The following GBE1 variants were observed in gnomAD, a reference collection of about 807,000 sequenced individuals.
GBE1 encodes the protein 1,4-alpha-glucan-branching enzyme.
In GBE1, 70 loss-of-function variants were observed where a neutral mutation model predicts 88.8. That is an observed-to-expected ratio of 0.79 (90% CI 0.65 to 0.96). GBE1 has a LOEUF of 0.96. Ranked by LOEUF, GBE1 falls within the 40% of genes least tolerant of loss-of-function variation. The pLI, the probability that GBE1 is intolerant of heterozygous loss-of-function variation, is 0.00. For synonymous variants in GBE1, 284 were observed against 300.1 expected, an observed-to-expected ratio of 0.95 and a Z score of 0.56; for missense variants, 872 against 871.0, an observed-to-expected ratio of 1.00 and a Z score of -0.01.
At chr3:81,527,500 CAATG>C (rs1702958297) in intron 14 of GBE1, among the ~76,000 whole-genome samples, 1 of 152,110 alleles carries the variant, frequency 6.6e-6, no homozygotes, top group Non-Finnish European at 1.5e-5. Context: ...CCAGAATCTA[CAATG>C]AACTCAAACA....
intron 2 of GBE1, among the ~76,000 whole-genome samples, chr3:81,695,851 C>T (rs1030865154): frequency 2.7e-4 from 41 of 152,094 alleles, no homozygotes; most frequent in African/African-American, 6.3e-4. Flanking sequence ...TTCCTGATCG[C>T]TAAATAATAC....
At chr3:81,623,341 T>C (rs1704358980) in intron 7 of GBE1, among the ~76,000 whole-genome samples, 2 of 152,342 alleles carry the variant, frequency 1.3e-5, no homozygotes, top group South Asian at 2.1e-4. Context: ...CGTCACTTCA[T>C]TCAGGTCTCT....
intron 12 of GBE1, among the ~76,000 whole-genome samples, chr3:81,548,572 C>A (rs529979085): frequency 1.3e-5 from 2 of 151,262 alleles, no homozygotes; most frequent in African/African-American, 2.4e-5. Context: ...AACCAAATTT[C>A]TTTGTCAATC....
Position 81,648,907 on chromosome 3 carries a change from C to G in GBE1, c.640G>C (p.Ala214Pro). The G allele has an allele frequency of 6.3e-7, 1 of 1,586,486 alleles. No homozygotes were observed. The highest frequency in any genetic ancestry group is 1.2e-5 in the South Asian group (1 of 86,434). Residue 214 changes from alanine to proline, a missense_variant, in exon 5 of 16, where the codon GCT becomes CCT. Ala to Pro is a conservative substitution (Grantham distance 27). Coordinates refer to ENST00000429644, the MANE Select transcript of GBE1 (RefSeq NM_000158.4). ...VGISSHEGKV[A>P]SYKHFTCNVL... ...TTGCATGTAAAATGTTTATAAGAAG[C>G]TACTTTTCCTTCATGGGAAGAAATT...
intron 1 of GBE1, among the ~76,000 whole-genome samples, chr3:81,730,331 A>G (rs1706168914): frequency 6.6e-6 from 1 of 152,186 alleles, no homozygotes; most frequent in African/African-American, 2.4e-5. Context: ...CAGCAAATAT[A>G]TAGTGTTATC....
At chr3:81,664,856 CT>C (rs2107104025) in intron 3 of GBE1, among the ~76,000 whole-genome samples, 1 of 152,252 alleles carries the variant, frequency 6.6e-6, no homozygotes, top group East Asian at 1.9e-4. Context: ...CACAAACTAA[CT>C]ATATTTAGCA....
At chr3:81,677,827 C>G (rs1705282862) in intron 2 of GBE1, among the ~76,000 whole-genome samples, 1 of 152,116 alleles carries the variant, frequency 6.6e-6, no homozygotes, top group Non-Finnish European at 1.5e-5. Context: ...TCACTATTAC[C>G]TTGGGGAAAC....
intron 15 of GBE1, among the ~76,000 whole-genome samples, chr3:81,496,388 T>C (rs1187319665): frequency 1.3e-5 from 2 of 152,238 alleles, no homozygotes; most frequent in Non-Finnish European, 2.9e-5. Flanking sequence ...GGGCTGTTTG[T>C]TGCTATCTTT....
chr3:81,585,392 T>C (rs896370841), intron 10 of GBE1, among the ~76,000 whole-genome samples: 4 of 152,270 alleles, frequency 2.6e-5, no homozygotes, highest in Admixed American at 6.5e-5. Context: ...ATTATTTGTA[T>C]ATATATCTGA....
At chr3:81,553,583 C>CT (rs34551400) in intron 12 of GBE1, among the ~76,000 whole-genome samples, 4,987 of 133,578 alleles carry the variant, frequency 0.037, 270 homozygotes, top group African/African-American at 0.12. Context: ...TGGAAAATGT[C>CT]TTTTTTTTTT....
chr3:81,533,410 G>A (rs982728806), intron 14 of GBE1, among the ~76,000 whole-genome samples: 2 of 152,100 alleles, frequency 1.3e-5, no homozygotes, highest in African/African-American at 4.8e-5. Flanking sequence ...GAGCACATTT[G>A]TGCTATCAGT....
intron 1 of GBE1, among the ~76,000 whole-genome samples, chr3:81,718,490 G>A: frequency 6.6e-6 from 1 of 152,094 alleles, no homozygotes; most frequent in Non-Finnish European, 1.5e-5. Context: ...GCACAGATGA[G>A]AAAACTGAAG....
intron 7 of GBE1, among the ~76,000 whole-genome samples, chr3:81,634,535 T>G (rs1461290041): frequency 6.6e-6 from 1 of 152,204 alleles, no homozygotes; most frequent in Non-Finnish European, 1.5e-5. Flanking sequence ...CGAACAGGAA[T>G]CTATCACATC....
chr3:81,548,715 T>C (rs947634790), intron 12 of GBE1, among the ~76,000 whole-genome samples: 1 of 151,048 alleles, frequency 6.6e-6, no homozygotes, highest in Non-Finnish European at 1.5e-5. Flanking sequence ...TGCAGGTTTC[T>C]GATTACTTTG....
chr3:81,509,427 A>G (rs1702695896), intron 14 of GBE1: 1 of 151,484 alleles, frequency 6.6e-6, no homozygotes, highest in Non-Finnish European at 1.5e-5. Flanking sequence ...TTGATTTTTC[A>G]CCATAGTATT....
At position 81,654,687 on chromosome 3, in the gene GBE1, T is replaced by TAG. The variant is rs1704905370; in HGVS notation, c.430-4767_430-4766insCT. Reference sequence around the variant, plus strand: ...TTAAAGCAGAGTGAAAAAAAACATATTGATCAAGATAACTATTTGATAGGC... The same window carrying TAG: ...TTAAAGCAGAGTGAAAAAAAACATATAGTGATCAAGATAACTATTTGATAGGC... On this transcript the variant is annotated intron_variant, in intron 3 of 15. Transcript: ENST00000429644. 2.6e-5 allele frequency: 4 copies of TAG among 152,162 alleles called. No homozygotes were observed. The South Asian group carries it at 8.3e-4, about 31-fold the overall frequency. The allele number at this position is 152,162 out of a possible 1,614,324, so 9.4% of individuals were successfully genotyped here. A position where few individuals can be genotyped will look rare whatever the true frequency, so the allele number is the denominator to read the frequency against.
At chr3:81,665,416 G>A (rs1705099992) in intron 3 of GBE1, among the ~76,000 whole-genome samples, 1 of 151,844 alleles carries the variant, frequency 6.6e-6, no homozygotes, top group Non-Finnish European at 1.5e-5. Flanking sequence ...GGCGCCTGTA[G>A]TCCCAGCTGC....
At position 81,733,529 on chromosome 3, in the gene GBE1, C is replaced by A. The variant is rs867026459; in HGVS notation, c.143+27846G>T. On this transcript the variant is annotated intron_variant, in intron 1 of 15. Transcript: ENST00000429644. This position sits in a 1 kb window ranked among gnomAD's most constrained non-coding sequence, Gnocchi z 4.0. ...TTTGGGGACCCCTGCTCTTGGCAAACCCCTGTGTAGAGGCTTTTGCACTGG... is the reference window on the plus strand; with the variant it reads ...TTTGGGGACCCCTGCTCTTGGCAAAACCCTGTGTAGAGGCTTTTGCACTGG... Among the ~76,000 whole-genome samples the A allele has an allele frequency of 1.8e-4, 28 of 151,934 alleles. No individual in the cohort carries two copies. Among genetic ancestry groups the A allele is most frequent in the African/African-American group, 6.0e-4 (25 of 41,442 alleles).
chr3:81,501,485 G>T (rs1317718083), intron 14 of GBE1, among the ~76,000 whole-genome samples: 1 of 151,948 alleles, frequency 6.6e-6, no homozygotes, highest in East Asian at 1.9e-4. Flanking sequence ...TAATCAATAA[G>T]CCAAAGTGGC....
Sources: gnomAD v4.1 joint callset for allele counts (sites outside exome capture counted in the v4.1 genomes callset) on GRCh38, gnomAD v4.1.1 for gene constraint, Gnocchi (gnomAD v3.1) non-coding constraint, MANE v1.5 for transcripts, NCBI Gene and HGNC (gene_info 2026-07-23, HGNC 2026-07-21) for gene names.